NCK2: variants seen among roughly 807,000 people sequenced by gnomAD.
NCK2 encodes NCK adaptor protein 2, also known as cytoplasmic protein NCK2.
In NCK2, 16 loss-of-function variants were observed where a neutral mutation model predicts 33.9. The ratio of observed to expected loss-of-function variants is 0.47; its 90% CI spans 0.32 to 0.72. The LOEUF is 0.72. Ranked by LOEUF, NCK2 falls within the 30% of genes least tolerant of loss-of-function variation. NCK2 has a pLI of 0.03. For missense variants in NCK2, 418 were observed against 537.3 expected (o/e 0.78, Z 2.19); for synonymous variants, 273 against 239.9 (o/e 1.14, Z -1.27).
intron 1 of NCK2, among the ~76,000 whole-genome samples, chr2:105,782,885 C>T (rs1376577045): frequency 3.3e-5 from 5 of 152,186 alleles, no homozygotes; most frequent in East Asian, 1.9e-4. Context: ...ACTGGAGAGG[C>T]GTAGGGGGCA....
rs1429091158 is a variant in NCK2 at position 105,881,778 on chromosome 2, A to G, written c.677A>G (p.Glu226Gly). ...AAGGGGGAGACCATGGAGGTGATTG[A>G]GAAGCCGGAGAACGACCCCGAGTGG... ...FEKGETMEVI[E>G]KPENDPEWWK... The change falls in exon 4 of 5, where the codon GAG (glutamate) becomes GGG (glycine). Residue 226 changes from glutamate to glycine, a missense_variant. Glu to Gly is a moderately conservative substitution (Grantham distance 98). Coordinates refer to ENST00000233154, the MANE Select transcript of NCK2 (RefSeq NM_003581.5). The G allele has an allele frequency of 6.2e-7, 1 of 1,613,878 alleles. No individual in the cohort carries two copies. Among genetic ancestry groups the G allele is most frequent in the African/African-American group, 1.3e-5 (1 of 74,944 alleles).
At position 105,881,965 on chromosome 2, in the gene NCK2, G is replaced by A. The variant is rs1427446105; in HGVS notation, c.864G>A (p.Gly288=). The A allele has an allele frequency of 3.9e-6, 6 of 1,534,072 alleles. No homozygotes were observed. In the Admixed American group the frequency reaches 1.1e-4, roughly 27 times the overall value. The change falls in exon 4 of 5, where the codon GGG becomes GGA. Residue 288 remains glycine (G), a synonymous_variant. Coordinates refer to ENST00000233154, the MANE Select transcript of NCK2 (RefSeq NM_003581.5). ...GRFAGREWYY[G]NVTRHQAECA... ...TCGCGGGCAGAGAGTGGTACTACGGGAACGTGACGCGGCACCAGGCCGAGT... is the reference window on the plus strand; with the variant it reads ...TCGCGGGCAGAGAGTGGTACTACGGAAACGTGACGCGGCACCAGGCCGAGT...
intron 1 of NCK2, among the ~76,000 whole-genome samples, chr2:105,769,868 G>A (rs369374583): frequency 3.3e-5 from 5 of 152,190 alleles, no homozygotes; most frequent in African/African-American, 4.8e-5. Flanking sequence ...TCCTCCTTCC[G>A]TGTGTGATGT....
At chr2:105,892,705 G>A (rs1052318573) in intron 4 of NCK2, among the ~76,000 whole-genome samples, 13 of 152,170 alleles carry the variant, frequency 8.5e-5, no homozygotes, top group African/African-American at 3.1e-4. Context: ...TATTAGCCGG[G>A]CATGGTGGCA....
At chr2:105,833,460 G>C (rs368295909) in intron 2 of NCK2, among the ~76,000 whole-genome samples, 17 of 152,044 alleles carry the variant, frequency 1.1e-4, no homozygotes, top group African/African-American at 4.1e-4. Flanking sequence ...TGTTTTCCTT[G>C]GGTTTTCTAA....
chr2:105,817,003 G>A (rs1174313097), intron 2 of NCK2, among the ~76,000 whole-genome samples: 1 of 152,066 alleles, frequency 6.6e-6, no homozygotes, highest in Non-Finnish European at 1.5e-5. Flanking sequence ...CTTTGATGCT[G>A]AGAAGATAAA....
chr2:105,837,329 G>A (rs965077257), intron 2 of NCK2, among the ~76,000 whole-genome samples: 3 of 152,052 alleles, frequency 2.0e-5, no homozygotes, highest in Non-Finnish European at 4.4e-5. Flanking sequence ...AATTTTGCTT[G>A]TTTTAGGGCT....
intron 3 of NCK2, among the ~76,000 whole-genome samples, chr2:105,860,546 C>T (rs978826602): frequency 7.9e-5 from 12 of 152,096 alleles, no homozygotes; most frequent in Admixed American, 6.5e-4. Flanking sequence ...GGAGGATGAG[C>T]GAGCATGTAG....
Position 105,755,887 on chromosome 2 carries a change from CT to C in NCK2, c.-201+10753del, listed in dbSNP as rs569299519. 2.1e-3 allele frequency among the ~76,000 whole-genome samples: 322 copies of C among 152,306 alleles called. 1 individual carries two copies. Among genetic ancestry groups the C allele is most frequent in the African/African-American group, 7.5e-3 (313 of 41,558 alleles). Reference sequence around the variant, plus strand: ...TTTTTGAGCTGGTCACATATGTTAGCTTTTGAATGTTTAATTTCCTTCTTTG... The same window carrying C: ...TTTTTGAGCTGGTCACATATGTTAGCTTTGAATGTTTAATTTCCTTCTTTG... On this transcript the variant is annotated intron_variant, in intron 1 of 4. Transcript: ENST00000233154.
chr2:105,780,649 A>C (rs1375216597), intron 1 of NCK2, among the ~76,000 whole-genome samples: 1 of 152,178 alleles, frequency 6.6e-6, no homozygotes, highest in Non-Finnish European at 1.5e-5. Context: ...TCATATGTTG[A>C]GATCCTACCC....
intron 1 of NCK2, among the ~76,000 whole-genome samples, chr2:105,774,401 ATGGTCTGAC>A (rs773307239): frequency 1.3e-5 from 2 of 152,082 alleles, no homozygotes; most frequent in Non-Finnish European, 2.9e-5. Flanking sequence ...CTGTGTGATG[ATGGTCTGAC>A]TGGTCTGACA....
At chr2:105,795,841 G>A (rs1259792444) in intron 1 of NCK2, among the ~76,000 whole-genome samples, 1 of 151,846 alleles carries the variant, frequency 6.6e-6, no homozygotes, top group South Asian at 2.1e-4. Context: ...TCCTTCCTTC[G>A]CCGCTTCCTC....
intron 1 of NCK2, among the ~76,000 whole-genome samples, chr2:105,781,840 T>C (rs955974315): frequency 2.0e-5 from 3 of 152,240 alleles, no homozygotes; most frequent in Non-Finnish European, 4.4e-5. Flanking sequence ...TCTGGCCACG[T>C]AGTGATGCTC....
chr2:105,779,511 G>T (rs1278841327), intron 1 of NCK2, among the ~76,000 whole-genome samples: 2 of 152,112 alleles, frequency 1.3e-5, no homozygotes, highest in African/African-American at 4.8e-5. Context: ...CCAAGTGGTG[G>T]GTGGCTGCGT....
intron 3 of NCK2, among the ~76,000 whole-genome samples, chr2:105,872,441 C>A (rs1465821389): frequency 6.6e-6 from 1 of 152,178 alleles, no homozygotes; most frequent in African/African-American, 2.4e-5. Flanking sequence ...GCCTCCGTGT[C>A]CTGCGGGACC....
At chr2:105,748,025 T>C (rs1318463935) in intron 1 of NCK2, among the ~76,000 whole-genome samples, 1 of 152,260 alleles carries the variant, frequency 6.6e-6, no homozygotes, top group African/African-American at 2.4e-5. Flanking sequence ...AAATGAACGT[T>C]AGCAAGTATT....
In NCK2 at chr2:105,881,897, GC is replaced by G; in HGVS notation, c.800del (p.Pro267HisfsTer3). The G allele has an allele frequency of 6.4e-7, 1 of 1,569,422 alleles. No homozygotes were observed. The highest frequency in any genetic ancestry group is 1.2e-5 in the South Asian group (1 of 83,550). On this transcript the variant is annotated frameshift_variant, in exon 4 of 5. Coordinates refer to ENST00000233154, the MANE Select transcript of NCK2 (RefSeq NM_003581.5). LOFTEE classifies it high-confidence loss of function. ...SDGPALHPAH[A>X]PQISYTGPSS... The stretch of plus-strand genomic sequence containing the variant: ...CGGGCCTGCCCTGCACCCTGCGCAC[GC>G]CCCACAGATAAGCTACACCGGGCCC...
At chr2:105,824,783 G>A (rs1050587868) in intron 2 of NCK2, among the ~76,000 whole-genome samples, 3 of 152,080 alleles carry the variant, frequency 2.0e-5, no homozygotes, top group African/African-American at 7.2e-5. Flanking sequence ...GTGTGAACTT[G>A]GAATTCTAAG....
intron 1 of NCK2, among the ~76,000 whole-genome samples, chr2:105,776,956 G>A (rs1267381034): frequency 6.6e-6 from 1 of 151,172 alleles, no homozygotes; most frequent in Non-Finnish European, 1.5e-5. Flanking sequence ...ATCTAGTATG[G>A]GGAGTGGCTT....
Sources: gnomAD v4.1 joint callset for allele counts (sites outside exome capture counted in the v4.1 genomes callset) on GRCh38, gnomAD v4.1.1 for gene constraint, MANE v1.5 for transcripts, NCBI Gene and HGNC (gene_info 2026-07-23, HGNC 2026-07-21) for gene names.